Variants in CRYL1 observed in about 807,000 individuals in gnomAD.
CRYL1 encodes the protein lambda-crystallin homolog.
In CRYL1, 29 loss-of-function variants were observed where a neutral mutation model predicts 36.6. That is an observed-to-expected ratio of 0.79 (90% CI 0.59 to 1.08). The LOEUF (loss-of-function observed/expected upper bound fraction) is 1.08, where lower values mean the gene tolerates loss of function less well. Ranked by LOEUF, CRYL1 falls within the 50% of genes least tolerant of loss-of-function variation. The pLI, the probability that CRYL1 is intolerant of heterozygous loss-of-function variation, is 0.00. For missense variants in CRYL1, 411 were observed against 407.9 expected (o/e 1.01, Z -0.06); for synonymous variants, 152 against 151.5 (o/e 1.00, Z -0.02).
intron 3 of CRYL1, among the ~76,000 whole-genome samples, chr13:20,480,504 G>T (rs2033254615): frequency 6.6e-6 from 1 of 152,180 alleles, no homozygotes; most frequent in African/African-American, 2.4e-5. Flanking sequence ...CAGGCTTCCT[G>T]GCAAAGATCA....
intron 4 of CRYL1, among the ~76,000 whole-genome samples, chr13:20,436,947 G>T (rs552415812): frequency 6.6e-6 from 1 of 152,136 alleles, no homozygotes; most frequent in Non-Finnish European, 1.5e-5. Flanking sequence ...GATTACAAAT[G>T]GGTCTTGATT....
At chr13:20,462,444 C>T (rs1593461298) in intron 3 of CRYL1, among the ~76,000 whole-genome samples, 1 of 149,558 alleles carries the variant, frequency 6.7e-6, no homozygotes, top group Non-Finnish European at 1.5e-5. Context: ...AGGAAGAGAA[C>T]GGTATTTTAA....
chr13:20,419,782 T>C (rs2031756243), intron 5 of CRYL1, among the ~76,000 whole-genome samples: 1 of 152,194 alleles, frequency 6.6e-6, no homozygotes. Context: ...GTTGGAATTA[T>C]GAGTTTGTTC....
intron 5 of CRYL1, chr13:20,418,999 A>C (rs1006414685): frequency 6.6e-6 from 1 of 152,208 alleles, no homozygotes. Context: ...TACGAGGGCG[A>C]CATGAAGAAA....
intron 1 of CRYL1, among the ~76,000 whole-genome samples, chr13:20,522,901 C>T (rs1390056432): frequency 7.6e-6 from 1 of 131,898 alleles, no homozygotes; most frequent in Non-Finnish European, 1.6e-5. Context: ...CTTCATGATA[C>T]CCATTTCTAC....
At chr13:20,498,955 C>G (rs7335998) in intron 2 of CRYL1, among the ~76,000 whole-genome samples, 132,735 of 152,260 alleles carry the variant, frequency 0.87, 60,462 homozygotes, top group East Asian at 1. Flanking sequence ...ATATCAAGTT[C>G]TAAATTCTCT....
At chr13:20,478,416 C>T (rs1363107866) in intron 3 of CRYL1, among the ~76,000 whole-genome samples, 1 of 152,124 alleles carries the variant, frequency 6.6e-6, no homozygotes, top group African/African-American at 2.4e-5. Context: ...TTCTCACTTG[C>T]ACTATAATAT....
chr13:20,483,032 G>A (rs2033310012), intron 3 of CRYL1, among the ~76,000 whole-genome samples: 1 of 152,128 alleles, frequency 6.6e-6, no homozygotes, highest in Admixed American at 6.5e-5. Context: ...GACACCCGCA[G>A]CCGGCAGTTA....
intron 4 of CRYL1, 39 bp downstream of exon 4, chr13:20,439,550 ATGAG>A: frequency 4.2e-6 from 6 of 1,423,652 alleles, no homozygotes; most frequent in Admixed American, 2.2e-5. Context: ...AAAACACAGA[ATGAG>A]ATGAGATACA....
At chr13:20,518,368 A>G (rs1467758183) in intron 1 of CRYL1, among the ~76,000 whole-genome samples, 2 of 152,198 alleles carry the variant, frequency 1.3e-5, no homozygotes, top group African/African-American at 4.8e-5. Flanking sequence ...CAACGGAGGT[A>G]AGGGGCCAAG....
At chr13:20,412,884 C>A (rs2031558995) in intron 6 of CRYL1, among the ~76,000 whole-genome samples, 1 of 152,188 alleles carries the variant, frequency 6.6e-6, no homozygotes, top group East Asian at 1.9e-4. Flanking sequence ...GAAGAGATAT[C>A]CAGCAGAGGT....
At chr13:20,424,939 A>G (rs2031899953) in intron 5 of CRYL1, among the ~76,000 whole-genome samples, 1 of 152,152 alleles carries the variant, frequency 6.6e-6, no homozygotes, top group African/African-American at 2.4e-5. Flanking sequence ...GAACCCCTCC[A>G]GCTGAGGCAT....
At chr13:20,485,723 C>G (rs903614192) in intron 3 of CRYL1, among the ~76,000 whole-genome samples, 1 of 140,498 alleles carries the variant, frequency 7.1e-6, no homozygotes, top group South Asian at 2.1e-4. Context: ...TGTAAACATG[C>G]CCAAGAAAAT....
chr13:20,494,594 T>C lies in CRYL1; in HGVS notation c.150-5098A>G, dbSNP rs1197370377. Among the ~76,000 whole-genome samples the C allele has an allele frequency of 2.0e-5, 3 of 152,330 alleles. No individual in the cohort carries two copies. The East Asian group carries it at 5.8e-4, about 29-fold the overall frequency. The stretch of plus-strand genomic sequence containing the variant: ...CGCCTGATGTGCTCAAAGCACCTGC[T>C]CCAAGCCTTAGTAGGCCAGCTGTGC... On this transcript the variant is annotated intron_variant, in intron 2 of 7. Transcript: ENST00000298248.
chr13:20,422,809 G>A (rs916001676), intron 5 of CRYL1, among the ~76,000 whole-genome samples: 3 of 152,120 alleles, frequency 2.0e-5, no homozygotes, highest in Admixed American at 6.6e-5. Context: ...AAAGGGCCAC[G>A]CTACTCTGTG....
At chr13:20,503,048 G>A (rs1408024234) in intron 2 of CRYL1, among the ~76,000 whole-genome samples, 1 of 152,156 alleles carries the variant, frequency 6.6e-6, no homozygotes, top group Non-Finnish European at 1.5e-5. Context: ...AAGATCACTC[G>A]GAATCCTGCC....
At chr13:20,509,382 C>G (rs1435001495) in intron 2 of CRYL1, among the ~76,000 whole-genome samples, 2 of 151,850 alleles carry the variant, frequency 1.3e-5, no homozygotes, top group Non-Finnish European at 2.9e-5. Context: ...CTGAAGACTT[C>G]TACTTCCAGC....
chr13:20,429,597 G>T (rs917477827), intron 5 of CRYL1, among the ~76,000 whole-genome samples: 1 of 152,172 alleles, frequency 6.6e-6, no homozygotes, highest in African/African-American at 2.4e-5. Context: ...GAGGCACACT[G>T]TAGCCAGCAC....
At chr13:20,505,381 A>AAAATAT (rs1292225610) in intron 2 of CRYL1, among the ~76,000 whole-genome samples, 3 of 138,836 alleles carry the variant, frequency 2.2e-5, no homozygotes, top group African/African-American at 8.1e-5. Context: ...AAAAAAAAAA[A>AAAATAT]ATCAGAATAT....
Sources: allele counts gnomAD v4.1 joint callset (sites outside exome capture counted in the v4.1 genomes callset), GRCh38; gene constraint gnomAD v4.1.1; transcripts MANE v1.5; gene names NCBI Gene and HGNC (gene_info 2026-07-23, HGNC 2026-07-21).